GPR107: variants seen among roughly 807,000 people sequenced by gnomAD.
The protein encoded by GPR107 is protein GPR107.
A neutral mutation model predicts 75.5 loss-of-function variants in GPR107; 31 were observed. The ratio of observed to expected loss-of-function variants is 0.41; its 90% CI spans 0.31 to 0.55. The LOEUF (loss-of-function observed/expected upper bound fraction) is 0.55, where lower values mean the gene tolerates loss of function less well. Ranked by LOEUF, GPR107 falls within the 20% of genes least tolerant of loss-of-function variation. The pLI is 0.26. For synonymous variants in GPR107, 267 were observed against 251.3 expected (o/e 1.06, Z -0.59); for missense variants, 572 against 665.7 (o/e 0.86, Z 1.55).
At chr9:130,105,214 A>G (rs1380321846) in intron 13 of GPR107, among the ~76,000 whole-genome samples, 2 of 152,170 alleles carry the variant, frequency 1.3e-5, no homozygotes, top group African/African-American at 4.8e-5. Context: ...AATTTTAAAG[A>G]AAATAGATTC....
intron 13 of GPR107, among the ~76,000 whole-genome samples, chr9:130,106,610 A>C (rs998976488): frequency 3.2e-5 from 3 of 93,374 alleles, no homozygotes; most frequent in African/African-American, 1.4e-4. Context: ...TAAATAAATA[A>C]ATAAATAAAT....
At chr9:130,057,874 A>G (rs1361248085) in intron 1 of GPR107, among the ~76,000 whole-genome samples, 1 of 149,634 alleles carries the variant, frequency 6.7e-6, no homozygotes, top group African/African-American at 2.5e-5. Flanking sequence ...TCTGGCACCC[A>G]GGCTGGAAAG....
chr9:130,092,128 C>T (rs1830753524), intron 8 of GPR107, 120 bp from the exon 9 acceptor site: 1 of 789,456 alleles, frequency 1.3e-6, no homozygotes, highest in Non-Finnish European at 2.1e-6. Context: ...GTGTGAGCCA[C>T]CATGCCCAGC....
intron 7 of GPR107, among the ~76,000 whole-genome samples, chr9:130,089,658 T>C (rs1279774008): frequency 6.6e-6 from 1 of 152,226 alleles, no homozygotes; most frequent in African/African-American, 2.4e-5. Flanking sequence ...TTATATCTTT[T>C]AAACTTTCAT....
In GPR107 at chr9:130,077,307, T is replaced by C. The variant is rs1320604561; in HGVS notation, c.315T>C (p.Asp105=). ...GGCTCTTCCTTTCTCAGGATGAAGATGTGAATTACTGTATTTTAAAGAAAC... is the reference window on the plus strand; with the variant it reads ...GGCTCTTCCTTTCTCAGGATGAAGACGTGAATTACTGTATTTTAAAGAAAC... The part of the protein sequence containing the change: ...NDGFSSYLDE[D]VNYCILKKQS... The change falls in exon 4 of 18, where the codon GAT becomes GAC. Residue 105 remains aspartate (D), a synonymous_variant. Transcript: ENST00000347136. 2.6e-6 allele frequency: 4 copies of C among 1,521,906 alleles called. No homozygotes were observed. The African/African-American group carries it at 5.5e-5, about 21-fold the overall frequency. 94.3% of individuals were successfully genotyped at this position (1,521,906 alleles called of 1,614,324 possible).
At chr9:130,113,258 T>C (rs1355628896) in intron 14 of GPR107, among the ~76,000 whole-genome samples, 2 of 151,224 alleles carry the variant, frequency 1.3e-5, no homozygotes, top group African/African-American at 4.9e-5. Flanking sequence ...TTTTTTTTTT[T>C]TTTTTTTTCC....
chr9:130,124,878 T>C, intron 14 of GPR107, 37 bp from the exon 15 acceptor site: 2 of 1,372,750 alleles, frequency 1.5e-6, no homozygotes, highest in Non-Finnish European at 1.0e-6. Flanking sequence ...AAATGAGAAG[T>C]TAACGAGCTC....
chr9:130,121,193 A>AAAACG (rs1831537806), intron 14 of GPR107, among the ~76,000 whole-genome samples: 1 of 151,204 alleles, frequency 6.6e-6, no homozygotes, highest in Admixed American at 6.6e-5. Context: ...AAAACAAAAC[A>AAAACG]AAACAAAACA....
At chr9:130,069,505 G>T (rs577730351) in intron 1 of GPR107, among the ~76,000 whole-genome samples, 3 of 152,026 alleles carry the variant, frequency 2.0e-5, no homozygotes, top group Non-Finnish European at 2.9e-5. Context: ...CATCCTCCTC[G>T]CTTGTACTTT....
chr9:130,118,250 T>G (rs560876711), intron 14 of GPR107, among the ~76,000 whole-genome samples: 1 of 152,318 alleles, frequency 6.6e-6, no homozygotes, highest in Admixed American at 6.5e-5. Flanking sequence ...ACTCAGTTGA[T>G]GGCAACGACC....
At chr9:130,073,574 C>T (rs979008812) in intron 1 of GPR107, among the ~76,000 whole-genome samples, 7 of 152,082 alleles carry the variant, frequency 4.6e-5, no homozygotes, top group Admixed American at 3.9e-4. Context: ...AGTGGAAATC[C>T]AGCAAACATG....
chr9:130,083,511 T>G, intron 5 of GPR107, 54 bp from the exon 6 acceptor site: 1 of 1,085,388 alleles, frequency 9.2e-7, no homozygotes, highest in Non-Finnish European at 1.3e-6. Flanking sequence ...AATATATATA[T>G]GTATCTGTAA....
At chr9:130,110,400 C>A (rs979800614) in intron 14 of GPR107, 3 of 1,535,930 alleles carry the variant, frequency 2.0e-6, no homozygotes, top group African/African-American at 2.8e-5. Context: ...CAGCAGAGAG[C>A]GAATCTAAGA....
intron 4 of GPR107, among the ~76,000 whole-genome samples, chr9:130,078,181 T>A (rs375777290): frequency 1.1e-4 from 17 of 149,638 alleles, no homozygotes; most frequent in Non-Finnish European, 2.4e-4. Flanking sequence ...AAAAAAAAAA[T>A]GTTGAACTTT....
At chr9:130,079,831 C>G in intron 5 of GPR107, 62 bp downstream of exon 5, 2 of 1,140,572 alleles carry the variant, frequency 1.8e-6, no homozygotes, top group Non-Finnish European at 1.2e-6. Context: ...CTTTTTTGTT[C>G]CTAATTAAAA....
intron 1 of GPR107, among the ~76,000 whole-genome samples, chr9:130,072,223 AT>A (rs1204270335): frequency 0.025 from 3,423 of 134,944 alleles, 48 homozygotes; most frequent in Middle Eastern, 0.038. Context: ...TATTTATTTA[AT>A]TTTTTTTTTT....
intron 9 of GPR107, among the ~76,000 whole-genome samples, chr9:130,097,847 T>C (rs1830914689): frequency 1.3e-5 from 2 of 148,880 alleles, no homozygotes; most frequent in East Asian, 2.0e-4. Flanking sequence ...GCTGAAACTA[T>C]AGGGACGCAC....
chr9:130,109,567 CTTTCTTT>C (rs1564678227), intron 14 of GPR107, among the ~76,000 whole-genome samples: 5 of 26,244 alleles, frequency 1.9e-4, no homozygotes, highest in East Asian at 3.4e-3. Context: ...TAGTCTTTTT[CTTTCTTT>C]TTTTTTTTTT....
intron 14 of GPR107, chr9:130,110,461 G>C (rs578132921): frequency 9.4e-7 from 1 of 1,066,232 alleles, no homozygotes; most frequent in East Asian, 2.6e-5. Context: ...TTCTTAGGAA[G>C]ACATCTGCTA....
Sources: gnomAD v4.1 joint callset for allele counts (sites outside exome capture counted in the v4.1 genomes callset) on GRCh38, gnomAD v4.1.1 for gene constraint, MANE v1.5 for transcripts, NCBI Gene and HGNC (gene_info 2026-07-23, HGNC 2026-07-21) for gene names.